SHC4: variants seen among roughly 807,000 people sequenced by gnomAD.
SHC4 encodes SHC adaptor protein 4.
SHC4 carries 41 observed loss-of-function variants against 69.4 expected under a neutral mutation model. That is an observed-to-expected ratio of 0.59 (90% CI 0.46 to 0.77). The LOEUF is 0.77. Among genes scored for constraint, SHC4 ranks in the 30% least tolerant of loss-of-function variants. SHC4 has a pLI of 0.00. For synonymous variants in SHC4, 318 were observed against 299.3 expected (o/e 1.06, Z -0.64); for missense variants, 777 against 783.8 (o/e 0.99, Z 0.10).
At chr15:48,933,098 G>A (rs907309058) in intron 1 of SHC4, among the ~76,000 whole-genome samples, 9 of 152,088 alleles carry the variant, frequency 5.9e-5, no homozygotes, top group African/African-American at 1.9e-4. Flanking sequence ...AAGTAAACTA[G>A]ATATAAGAAA....
intron 10 of SHC4, among the ~76,000 whole-genome samples, chr15:48,839,913 G>C (rs1257449075): frequency 6.6e-6 from 1 of 152,180 alleles, no homozygotes; most frequent in Non-Finnish European, 1.5e-5. Context: ...ATTTAGCTGG[G>C]CACCCAGCTA....
At chr15:48,848,780 T>A (rs1899146616) in intron 9 of SHC4, among the ~76,000 whole-genome samples, 1 of 152,192 alleles carries the variant, frequency 6.6e-6, no homozygotes, top group South Asian at 2.1e-4. Flanking sequence ...TACTTTCATA[T>A]CCATTAATTC....
At chr15:48,945,419 A>G (rs1017512218) in intron 1 of SHC4, among the ~76,000 whole-genome samples, 1 of 152,206 alleles carries the variant, frequency 6.6e-6, no homozygotes, top group Non-Finnish European at 1.5e-5. Flanking sequence ...TTACCCATGA[A>G]TGTTCATTAT....
Position 48,872,156 on chromosome 15 carries a change from A to G in SHC4, c.841-14T>C, listed in dbSNP as rs1899689130. 3 of 1,431,636 alleles carry G rather than the reference A, an allele frequency of 2.1e-6. No homozygotes were observed. The highest frequency in any genetic ancestry group is 1.8e-5 in the Admixed American group (1 of 54,994). 88.7% of individuals were successfully genotyped at this position (1,431,636 alleles called of 1,614,324 possible). A position where few individuals can be genotyped will look rare whatever the true frequency, so the allele number is the denominator to read the frequency against. On this transcript the variant is annotated splice_polypyrimidine_tract_variant and intron_variant, in intron 4 of 11. Transcript: ENST00000332408. ...ATTTGCAATAATCTGAAAAACATAAACATGTATACTAATATAAATTAATTG... is the reference window on the plus strand; with the variant it reads ...ATTTGCAATAATCTGAAAAACATAAGCATGTATACTAATATAAATTAATTG...
chr15:48,898,477 C>G (rs1900262574), intron 2 of SHC4, among the ~76,000 whole-genome samples: 1 of 152,228 alleles, frequency 6.6e-6, no homozygotes, highest in South Asian at 2.1e-4. Context: ...CAGCATTTAT[C>G]CCCACACTGA....
rs763630480 is a variant in SHC4 at position 48,855,990 on chromosome 15, G to A, written c.1205C>T (p.Ala402Val). The A allele has an allele frequency of 6.2e-7, 1 of 1,613,814 alleles. No homozygotes were observed. The highest frequency in any genetic ancestry group is 1.1e-5 in the South Asian group (1 of 91,002). Residue 402 changes from alanine (A) to valine (V), a missense_variant, in exon 8 of 12, where the codon GCT (alanine) becomes GTT (valine). Physicochemically the swap from Ala to Val is moderately conservative, Grantham distance 64. Transcript: ENST00000332408. ...RIKVQATEQM[A>V]YCPIQCEKLC... ...CTTTTCACACTGTATGGGGCAGTAA[G>A]CCATTTGTTCCGTGGCTTGAACTTT...
Position 48,924,893 on chromosome 15 carries a change from T to C in SHC4, c.642A>G (p.Arg214=), listed in dbSNP as rs751702988. The C allele has an allele frequency of 5.0e-6, 8 of 1,614,128 alleles. No homozygotes were observed. Among genetic ancestry groups the C allele is most frequent in the Non-Finnish European group, 6.8e-6 (8 of 1,180,004 alleles). Residue 214 remains arginine (R), a synonymous_variant, in exon 2 of 12, where the codon AGA becomes AGG. Transcript: ENST00000332408. ...QSMRSLDFGM[R]TQVTREAISR... ...TGGCTTCTTACCTTGTAACTTGGGT[T>C]CTCATTCCAAAATCCAGTGATCTCA...
At chr15:48,873,341 A>G (rs1207596873) in intron 4 of SHC4, among the ~76,000 whole-genome samples, 1 of 152,244 alleles carries the variant, frequency 6.6e-6, no homozygotes, top group East Asian at 1.9e-4. Context: ...TGGTTATACA[A>G]CTGTTCATTT....
rs529945579 is a variant in SHC4, at chr15:48,963,724, C to G, written c.-709G>C. On this transcript the variant is annotated 5_prime_UTR_variant, in exon 1 of 12. Transcript: ENST00000332408. Reference sequence around the variant, plus strand: ...TGACTTGTGATGGGTCCGTGTTCCTCAGATCCCCTCCCAGCCTGCCTACCC... The same window carrying G: ...TGACTTGTGATGGGTCCGTGTTCCTGAGATCCCCTCCCAGCCTGCCTACCC... Among the ~76,000 whole-genome samples the G allele has an allele frequency of 3.3e-5, 5 of 152,118 alleles. No homozygotes were observed. The highest frequency in any genetic ancestry group is 4.8e-5 in the African/African-American group (2 of 41,420).
intron 1 of SHC4, chr15:48,946,725 A>G: frequency 3.5e-6 from 1 of 288,792 alleles, no homozygotes; most frequent in Non-Finnish European, 5.2e-6. Context: ...GAACATTCCT[A>G]TCACTGGACT....
At chr15:48,858,317 C>A (rs893757113) in intron 6 of SHC4, among the ~76,000 whole-genome samples, 2 of 152,154 alleles carry the variant, frequency 1.3e-5, no homozygotes, top group African/African-American at 2.4e-5. Flanking sequence ...GCCCCCCGCC[C>A]CGCTGCCACC....
At chr15:48,900,547 T>C (rs1005322413) in intron 2 of SHC4, among the ~76,000 whole-genome samples, 2 of 151,856 alleles carry the variant, frequency 1.3e-5, no homozygotes, top group East Asian at 3.9e-4. Context: ...GAAGGGCTTT[T>C]ACCAGAGGGC....
chr15:48,860,155 T>A (rs1176658540), intron 6 of SHC4, among the ~76,000 whole-genome samples: 1 of 97,908 alleles, frequency 1.0e-5, no homozygotes. Context: ...ACCAAATAAA[T>A]ACTTTTTTTT....
intron 4 of SHC4, chr15:48,878,321 G>A (rs746356498): frequency 6.2e-6 from 10 of 1,613,544 alleles, no homozygotes; most frequent in South Asian, 4.4e-5. Context: ...CCGCAGCGGG[G>A]CCCAACAGCT....
chr15:48,890,765 C>T lies in SHC4; in HGVS notation c.703G>A (p.Ala235Thr). ...TCATTTACCTTTCGCTTTTTAATGG[C>T]TCCATTTGCCCCGGGGACAGCTTCA... ...LCEAVPGANG[A>T]IKKRKPPVKF... Residue 235 changes from alanine to threonine, a missense_variant, in exon 3 of 12, where the codon GCC (alanine) becomes ACC (threonine). Physicochemically the swap from Ala to Thr is moderately conservative, Grantham distance 58. Transcript: ENST00000332408. 6.2e-7 allele frequency: 1 copy of T among 1,614,136 alleles called. No individual in the cohort carries two copies. The highest frequency in any genetic ancestry group is 8.5e-7 in the Non-Finnish European group (1 of 1,180,014).
At chr15:48,833,834 G>A (rs1898852626) in intron 11 of SHC4, among the ~76,000 whole-genome samples, 1 of 152,208 alleles carries the variant, frequency 6.6e-6, no homozygotes, top group Non-Finnish European at 1.5e-5. Flanking sequence ...CAGATAAAGT[G>A]AAATTGTTCT....
chr15:48,847,966 C>T (rs1218094401), intron 9 of SHC4, among the ~76,000 whole-genome samples: 3 of 146,704 alleles, frequency 2.0e-5, no homozygotes, highest in Non-Finnish European at 4.5e-5. Context: ...GGCGCCATTG[C>T]ACTCCAGCCC....
intron 1 of SHC4, among the ~76,000 whole-genome samples, chr15:48,945,151 A>G (rs775297851): frequency 2.0e-5 from 3 of 152,206 alleles, no homozygotes; most frequent in Non-Finnish European, 4.4e-5. Context: ...CCAGAGACAG[A>G]CTCACTCTGA....
intron 1 of SHC4, among the ~76,000 whole-genome samples, chr15:48,934,294 T>C (rs1042204276): frequency 6.6e-6 from 1 of 152,122 alleles, no homozygotes; most frequent in Non-Finnish European, 1.5e-5. Context: ...CAGACATTTC[T>C]CCAAGAAATA....
Sources: allele counts gnomAD v4.1 joint callset (sites outside exome capture counted in the v4.1 genomes callset), GRCh38; gene constraint gnomAD v4.1.1; transcripts MANE v1.5; gene names NCBI Gene and HGNC (gene_info 2026-07-23, HGNC 2026-07-21).